Variants in NUP214 observed in about 807,000 individuals in gnomAD.
NUP214 encodes nucleoporin 214.
Under a neutral mutation model 196.2 loss-of-function variants are expected in NUP214, and 79 were observed. The ratio of observed to expected loss-of-function variants is 0.40; its 90% CI spans 0.34 to 0.49. The LOEUF is 0.49. NUP214 is among the 20% of genes least tolerant of loss of function. NUP214 has a pLI of 0.58. For synonymous variants in NUP214, 1,020 were observed against 990.5 expected, an observed-to-expected ratio of 1.03 and a Z score of -0.56; for missense variants, 2,468 against 2,539.0, an observed-to-expected ratio of 0.97 and a Z score of 0.60.
intron 2 of NUP214, among the ~76,000 whole-genome samples, chr9:131,127,997 G>A (rs1004500350): frequency 2.0e-5 from 3 of 152,180 alleles, no homozygotes; most frequent in Non-Finnish European, 4.4e-5. Context: ...GGCTCTCTGG[G>A]TGAAGGGTTT....
intron 30 of NUP214, among the ~76,000 whole-genome samples, chr9:131,202,327 C>G (rs1468465144): frequency 6.6e-6 from 1 of 152,102 alleles, no homozygotes. Context: ...TGTTGTTTAA[C>G]TTCTTAATCT....
intron 6 of NUP214, 198 bp downstream of exon 6, chr9:131,132,857 T>G (rs922508370): frequency 1.8e-5 from 11 of 622,588 alleles, no homozygotes; most frequent in Non-Finnish European, 2.8e-5. Context: ...ATAAATGACA[T>G]GAAATGGATC....
At chr9:131,127,778 G>A (rs536781897) in intron 2 of NUP214, 59 bp downstream of exon 2, 834 of 1,271,110 alleles carry the variant, frequency 6.6e-4, no homozygotes, top group Non-Finnish European at 8.1e-4. Context: ...ATGCTCTTGT[G>A]TTTCCTTCCC....
At chr9:131,231,059 G>A (rs1244199739) in intron 34 of NUP214, among the ~76,000 whole-genome samples, 2 of 152,180 alleles carry the variant, frequency 1.3e-5, no homozygotes, top group African/African-American at 4.8e-5. Flanking sequence ...CTACTCGGGA[G>A]GCTGAAGCAG....
intron 32 of NUP214, among the ~76,000 whole-genome samples, chr9:131,225,631 A>C (rs1343951708): frequency 6.6e-6 from 1 of 152,188 alleles, no homozygotes; most frequent in Non-Finnish European, 1.5e-5. Flanking sequence ...ACTCCCCCTC[A>C]TGTTTCAGGA....
At chr9:131,194,659 T>G (rs1189371198) in intron 27 of NUP214, among the ~76,000 whole-genome samples, 1 of 151,950 alleles carries the variant, frequency 6.6e-6, no homozygotes, top group Non-Finnish European at 1.5e-5. Context: ...GTGAAAGGAG[T>G]CACAAAGTTT....
In NUP214 at chr9:131,189,006, A is replaced by T. The variant is rs1833528236; in HGVS notation, c.3496-47A>T. ...TTTTACATATTTCTTTGTTACAAAG[A>T]ATGGTTAGTGGTTTAACATAAACAT... On this transcript the variant is annotated intron_variant, in intron 25 of 35. Transcript: ENST00000359428. 3.2e-6 allele frequency: 4 copies of T among 1,263,784 alleles called. No homozygotes were observed. In the East Asian group the frequency reaches 9.3e-5, roughly 29 times the overall value. 78.3% of individuals were successfully genotyped at this position (1,263,784 alleles called of 1,614,324 possible). A position where few individuals can be genotyped will look rare whatever the true frequency, so the allele number is the denominator to read the frequency against.
chr9:131,175,629 C>T lies in NUP214; in HGVS notation c.3319+8C>T. ...TGGCCAGTCAGGCACCAGGTAAAAGCTGTAGCCCCATACCTGTACAGAGGC... is the reference window on the plus strand; with the variant it reads ...TGGCCAGTCAGGCACCAGGTAAAAGTTGTAGCCCCATACCTGTACAGAGGC... On this transcript the variant is annotated splice_region_variant and intron_variant, in intron 23 of 35. Transcript: ENST00000359428. The T allele has an allele frequency of 1.2e-6, 2 of 1,614,010 alleles. No homozygotes were observed. Among genetic ancestry groups the T allele is most frequent in the Non-Finnish European group, 1.7e-6 (2 of 1,179,936 alleles).
intron 21 of NUP214, among the ~76,000 whole-genome samples, chr9:131,171,194 G>GT (rs1832946778): frequency 1.3e-5 from 2 of 152,196 alleles, no homozygotes; most frequent in Admixed American, 1.3e-4. Context: ...TTCTGTGAGT[G>GT]AGCATGCCCA....
chr9:131,211,713 C>T (rs1308221289), intron 30 of NUP214, among the ~76,000 whole-genome samples: 1 of 152,260 alleles, frequency 6.6e-6, no homozygotes, highest in African/African-American at 2.4e-5. Context: ...ACGTTTATCA[C>T]TTCCCTGATC....
rs143579479 is a variant in NUP214 at position 131,137,753 on chromosome 9, G to C, written c.1006-1528G>C. On this transcript the variant is annotated intron_variant, in intron 9 of 35. Coordinates refer to ENST00000359428, the MANE Select transcript of NUP214 (RefSeq NM_005085.4). Reference sequence around the variant, plus strand: ...TTTAGTAGAGACAGGTTTTTGCCTTGTTGGCCAGGCTGGTCTCAAACTCCT... The same window carrying C: ...TTTAGTAGAGACAGGTTTTTGCCTTCTTGGCCAGGCTGGTCTCAAACTCCT... Among the ~76,000 whole-genome samples, 57 of 151,980 alleles carry C rather than the reference G, an allele frequency of 3.8e-4. No homozygotes were observed. In the East Asian group the frequency reaches 9.3e-3, roughly 25 times the overall value.
At chr9:131,181,697 C>T (rs1833282907) in intron 24 of NUP214, among the ~76,000 whole-genome samples, 1 of 152,052 alleles carries the variant, frequency 6.6e-6, no homozygotes, top group Admixed American at 6.5e-5. Context: ...TTTTTGAGCT[C>T]TAAGTTTCTT....
chr9:131,144,286 C>G lies in NUP214; in HGVS notation c.1301C>G (p.Thr434Ser). 6.2e-7 allele frequency: 1 copy of G among 1,612,508 alleles called. No homozygotes were observed. The change falls in exon 12 of 36, where the codon ACT becomes AGT. Residue 434 changes from threonine (T) to serine (S), a missense_variant. Around this residue, in one of 5 missense-constraint regions of NUP214, gnomAD observed 1,801 missense variants for 1,779.4 expected, o/e 1.01. Coordinates refer to ENST00000359428, the MANE Select transcript of NUP214 (RefSeq NM_005085.4). ...GERQPKSPGS[T>S]PTTPTSSQAP... ...CCTTTTTTTGTCACTGCAGGAAGTACTCCCACTACCCCAACCTCCTCTCAA... is the reference window on the plus strand; with the variant it reads ...CCTTTTTTTGTCACTGCAGGAAGTAGTCCCACTACCCCAACCTCCTCTCAA...
Position 131,228,208 on chromosome 9 carries a change from G to GA in NUP214, c.5952dup (p.Ser1985IlefsTer77). 6.2e-7 allele frequency: 1 copy of GA among 1,604,480 alleles called. No homozygotes were observed. The highest frequency in any genetic ancestry group is 8.5e-7 in the Non-Finnish European group (1 of 1,176,318). On this transcript the variant is annotated frameshift_variant, in exon 33 of 36. Coordinates refer to ENST00000359428, the MANE Select transcript of NUP214 (RefSeq NM_005085.4). LOFTEE classifies it high-confidence loss of function. ...TTTGGCAGCCCTCCTACTTTTGGGG[G>GA]ATCCCCTGGGTTTGGAGGGGTGCCA...
chr9:131,230,423 C>G, intron 33 of NUP214: 1 of 578,732 alleles, frequency 1.7e-6, no homozygotes, highest in Non-Finnish European at 3.1e-6. Context: ...ATACTGTAGT[C>G]CTGCCATTTT....
At chr9:131,152,212 T>C (rs1832292654) in intron 17 of NUP214, among the ~76,000 whole-genome samples, 1 of 152,138 alleles carries the variant, frequency 6.6e-6, no homozygotes, top group African/African-American at 2.4e-5. Context: ...TTCCTGGGCT[T>C]ACGTGATCCT....
At chr9:131,154,888 C>T (rs1363813504) in intron 17 of NUP214, among the ~76,000 whole-genome samples, 1 of 152,176 alleles carries the variant, frequency 6.6e-6, no homozygotes, top group Admixed American at 6.5e-5. Context: ...TTTATCCACT[C>T]GTTGATTGAT....
chr9:131,197,012 C>A (rs986735499), intron 28 of NUP214, among the ~76,000 whole-genome samples: 53 of 151,928 alleles, frequency 3.5e-4, no homozygotes, highest in African/African-American at 1.2e-3. Flanking sequence ...GTATTTTTTC[C>A]TTTTCACCTC....
chr9:131,194,741 T>C (rs1479627672), intron 27 of NUP214, among the ~76,000 whole-genome samples: 1 of 152,258 alleles, frequency 6.6e-6, no homozygotes, highest in Non-Finnish European at 1.5e-5. Context: ...TATTTCATTG[T>C]ATCCATTGTT....
Sources: allele counts gnomAD v4.1 joint callset (sites outside exome capture counted in the v4.1 genomes callset), GRCh38; gene constraint gnomAD v4.1.1; regional missense constraint gnomAD v4.1.1; transcripts MANE v1.5; gene names NCBI Gene and HGNC (gene_info 2026-07-23, HGNC 2026-07-21).